LIPC: variants seen among roughly 807,000 people sequenced by gnomAD.
LIPC encodes lipase C, hepatic type.
A neutral mutation model predicts 50.7 loss-of-function variants in LIPC; 44 were observed. That is an observed-to-expected ratio of 0.87 (90% CI 0.68 to 1.11). The LOEUF is 1.11. Among genes scored for constraint, LIPC ranks in the 50% most tolerant of loss-of-function variants. The pLI is 0.00. For synonymous variants in LIPC, 271 were observed against 256.4 expected (o/e 1.06, Z -0.54); for missense variants, 697 against 648.2 (o/e 1.08, Z -0.82).
At chr15:58,449,575 CAG>C (rs1183688969) in intron 1 of LIPC, among the ~76,000 whole-genome samples, 1 of 150,002 alleles carries the variant, frequency 6.7e-6, no homozygotes, top group African/African-American at 2.5e-5. Context: ...TTTTTTAAGA[CAG>C]AGTCTCACTC....
At chr15:58,457,579 A>T (rs1201476185) in intron 1 of LIPC, among the ~76,000 whole-genome samples, 2 of 152,102 alleles carry the variant, frequency 1.3e-5, no homozygotes, top group Non-Finnish European at 2.9e-5. Context: ...CTTCTGCCCC[A>T]CCCATTGCTG....
rs372933830 is a variant in LIPC, at chr15:58,469,293, C to A, written c.88+37173C>A. 6.6e-5 allele frequency among the ~76,000 whole-genome samples: 10 copies of A among 152,208 alleles called. No homozygotes were observed. The East Asian group carries it at 1.9e-3, about 29-fold the overall frequency. ...GGATCACAGGCATGAACCACCATACCCACCCTAAGGAATATAGTTTTTTGA... is the reference window on the plus strand; with the variant it reads ...GGATCACAGGCATGAACCACCATACACACCCTAAGGAATATAGTTTTTTGA... On this transcript the variant is annotated intron_variant, in intron 1 of 8. Transcript: ENST00000299022.
At chr15:58,455,887 T>C (rs988974710) in intron 1 of LIPC, among the ~76,000 whole-genome samples, 4 of 152,084 alleles carry the variant, frequency 2.6e-5, no homozygotes, top group African/African-American at 9.7e-5. Flanking sequence ...TATCCACCAA[T>C]GCACCACTGC....
chr15:58,566,638 T>C (rs1443107745), intron 8 of LIPC, among the ~76,000 whole-genome samples: 1 of 152,100 alleles, frequency 6.6e-6, no homozygotes, highest in Non-Finnish European at 1.5e-5. Context: ...GGAAGGTGGT[T>C]TTCTTCCCCC....
chr15:58,511,032 AAG>A (rs1281147846), intron 1 of LIPC, among the ~76,000 whole-genome samples: 2 of 152,226 alleles, frequency 1.3e-5, no homozygotes, highest in African/African-American at 4.8e-5. Context: ...TTTACGGATG[AAG>A]AGACTGGATC....
At chr15:58,553,501 G>A (rs1490628460) in intron 6 of LIPC, among the ~76,000 whole-genome samples, 3 of 152,208 alleles carry the variant, frequency 2.0e-5, no homozygotes, top group Admixed American at 2.0e-4. Flanking sequence ...GAGACTGCAG[G>A]AGGGTTGCTT....
At chr15:58,557,209 C>T (rs771371491) in intron 6 of LIPC, among the ~76,000 whole-genome samples, 5 of 151,940 alleles carry the variant, frequency 3.3e-5, no homozygotes, top group East Asian at 1.9e-4. Context: ...CTGTGTGATC[C>T]GAGAAAAGTC....
intron 6 of LIPC, among the ~76,000 whole-genome samples, chr15:58,553,999 A>T (rs541908797): frequency 2.1e-5 from 3 of 145,542 alleles, no homozygotes; most frequent in African/African-American, 7.6e-5. Context: ...ACGGAGGGGG[A>T]AAAAAAAAAA....
At chr15:58,442,642 C>A (rs1405806176) in intron 1 of LIPC, among the ~76,000 whole-genome samples, 1 of 152,144 alleles carries the variant, frequency 6.6e-6, no homozygotes, top group Non-Finnish European at 1.5e-5. Flanking sequence ...TCAATGAATC[C>A]AGAAAAACAC....
intron 1 of LIPC, among the ~76,000 whole-genome samples, chr15:58,509,131 C>A (rs1440004982): frequency 1.3e-5 from 2 of 152,186 alleles, no homozygotes; most frequent in Non-Finnish European, 2.9e-5. Flanking sequence ...TGTTATTGTA[C>A]CCAAATCCAC....
chr15:58,472,576 CA>C (rs34483233), intron 1 of LIPC, among the ~76,000 whole-genome samples: 14,741 of 122,462 alleles, frequency 0.12, 737 homozygotes, highest in South Asian at 0.18. Flanking sequence ...ACTCTTGTCT[CA>C]AAAAAAAAAA....
At chr15:58,433,907 G>A (rs1299745551) in intron 1 of LIPC, among the ~76,000 whole-genome samples, 3 of 152,202 alleles carry the variant, frequency 2.0e-5, no homozygotes, top group Admixed American at 6.5e-5. Context: ...CAATGAGTGA[G>A]CCCAATCTGT....
At chr15:58,504,250 C>G (rs1595903884) in intron 1 of LIPC, among the ~76,000 whole-genome samples, 1 of 152,330 alleles carries the variant, frequency 6.6e-6, no homozygotes, top group African/African-American at 2.4e-5. Context: ...GGGGTTGTAA[C>G]CTCTCAGAGC....
At chr15:58,442,929 G>T (rs1407500407) in intron 1 of LIPC, among the ~76,000 whole-genome samples, 1 of 152,106 alleles carries the variant, frequency 6.6e-6, no homozygotes, top group East Asian at 1.9e-4. Context: ...GTTGTTTTTG[G>T]TTTTTCTGAG....
intron 1 of LIPC, among the ~76,000 whole-genome samples, chr15:58,488,769 T>G (rs1267801697): frequency 6.6e-6 from 1 of 152,290 alleles, no homozygotes; most frequent in South Asian, 2.1e-4. Context: ...TTTCTTCCCC[T>G]TGGTATTTCC....
At chr15:58,500,384 C>G (rs557583158) in intron 1 of LIPC, among the ~76,000 whole-genome samples, 51 of 152,184 alleles carry the variant, frequency 3.4e-4, no homozygotes, top group African/African-American at 1.1e-3. Flanking sequence ...TTCACTGTCA[C>G]GCTTGCTCTC....
intron 1 of LIPC, among the ~76,000 whole-genome samples, chr15:58,449,663 C>T (rs1404645406): frequency 6.6e-6 from 1 of 152,040 alleles, no homozygotes; most frequent in African/African-American, 2.4e-5. Flanking sequence ...CCTCAGCCTC[C>T]CAAGTAGATG....
intron 1 of LIPC, among the ~76,000 whole-genome samples, chr15:58,499,965 G>A (rs1891920456): frequency 1.3e-5 from 2 of 152,210 alleles, no homozygotes; most frequent in Non-Finnish European, 2.9e-5. Flanking sequence ...GGGGAGGTCT[G>A]ATTTGGTACA....
At chr15:58,478,071 A>G (rs1447330561) in intron 1 of LIPC, among the ~76,000 whole-genome samples, 1 of 152,022 alleles carries the variant, frequency 6.6e-6, no homozygotes, top group African/African-American at 2.4e-5. Flanking sequence ...CCCATAGCTC[A>G]GTGTACCCAA....
Sources: allele counts gnomAD v4.1 joint callset (sites outside exome capture counted in the v4.1 genomes callset), GRCh38; gene constraint gnomAD v4.1.1; transcripts MANE v1.5; gene names NCBI Gene and HGNC (gene_info 2026-07-23, HGNC 2026-07-21).